Variants in PRKCI observed in about 807,000 individuals in gnomAD.
The protein encoded by PRKCI is protein kinase C iota, also known as protein kinase C iota type.
PRKCI carries 43 observed loss-of-function variants against 84.0 expected under a neutral mutation model. The ratio of observed to expected loss-of-function variants is 0.51; its 90% confidence interval spans 0.40 to 0.66. The LOEUF (loss-of-function observed/expected upper bound fraction) is 0.66, where lower values mean the gene tolerates loss of function less well. Ranked by LOEUF, PRKCI falls within the 30% of genes least tolerant of loss-of-function variation. PRKCI has a pLI of 0.00. For missense variants in PRKCI, 459 were observed against 745.6 expected (o/e 0.62, Z 4.48); for synonymous variants, 216 against 234.4 (o/e 0.92, Z 0.72).
Position 170,298,983 on chromosome 3 carries a change from A to G in PRKCI, c.1588-12A>G, listed in dbSNP as rs1734756337. The G allele has an allele frequency of 3.2e-6, 5 of 1,557,594 alleles. No individual in the cohort carries two copies. Among genetic ancestry groups the G allele is most frequent in the East Asian group, 4.5e-5 (2 of 44,594 alleles). On this transcript the variant is annotated splice_polypyrimidine_tract_variant and intron_variant, in intron 16 of 17. Transcript: ENST00000295797. ...ATACAGACTTGAGCTGTCATCCAGT[A>G]TGTCTTTTCAGATGGAGCAAAAACA...
intron 2 of PRKCI, among the ~76,000 whole-genome samples, chr3:170,241,528 T>G (rs1168742992): frequency 6.6e-6 from 1 of 152,230 alleles, no homozygotes; most frequent in Non-Finnish European, 1.5e-5. Flanking sequence ...CTGAGTAGTA[T>G]TCCATTGTGT....
At chr3:170,279,373 G>C (rs1734192135) in intron 8 of PRKCI, among the ~76,000 whole-genome samples, 1 of 152,130 alleles carries the variant, frequency 6.6e-6, no homozygotes, top group Non-Finnish European at 1.5e-5. Context: ...TTCTCACTCA[G>C]TTTTTCTAAT....
At chr3:170,276,482 G>A (rs1172773303) in intron 8 of PRKCI, among the ~76,000 whole-genome samples, 1 of 145,012 alleles carries the variant, frequency 6.9e-6, no homozygotes, top group Non-Finnish European at 1.5e-5. Flanking sequence ...TTTTTTTTGT[G>A]AGACAGGATT....
At chr3:170,271,774 T>C (rs1341669270) in intron 6 of PRKCI, among the ~76,000 whole-genome samples, 1 of 152,166 alleles carries the variant, frequency 6.6e-6, no homozygotes, top group Admixed American at 6.6e-5. Context: ...GTGGATTGTT[T>C]TTGAGTCGAC....
intron 4 of PRKCI, 23 bp from the exon 5 acceptor site, chr3:170,267,887 CTTTTT>C (rs758380685): frequency 6.7e-7 from 1 of 1,493,520 alleles, no homozygotes; most frequent in Admixed American, 2.1e-5. Context: ...GCTCTTTTTT[CTTTTT>C]TTAACTATTA....
chr3:170,233,824 G>A lies in PRKCI; in HGVS notation c.102-1406G>A, dbSNP rs916860851. On this transcript the variant is annotated intron_variant, in intron 1 of 17. Coordinates refer to ENST00000295797, the MANE Select transcript of PRKCI (RefSeq NM_002740.6). ...CAGCCTCCGCCTCCTGGGTTCAAGCGGTTATCCTGCCTCAGCCTCCCAGGT... is the reference window on the plus strand; with the variant it reads ...CAGCCTCCGCCTCCTGGGTTCAAGCAGTTATCCTGCCTCAGCCTCCCAGGT... Among the ~76,000 whole-genome samples, 8 of 151,868 alleles carry A rather than the reference G, an allele frequency of 5.3e-5. No homozygotes were observed. In the South Asian group the frequency reaches 6.2e-4, roughly 12 times the overall value.
chr3:170,267,018 G>T (rs1733875196), intron 4 of PRKCI, among the ~76,000 whole-genome samples: 1 of 152,102 alleles, frequency 6.6e-6, no homozygotes, highest in African/African-American at 2.4e-5. Context: ...TTTGAGACCA[G>T]TTAGGGAAGT....
intron 1 of PRKCI, 92 bp downstream of exon 1, chr3:170,222,862 TG>T (rs1732526772): frequency 1.3e-4 from 2 of 15,052 alleles, no homozygotes; most frequent in Non-Finnish European, 3.4e-4. Flanking sequence ...GGAGGTGTTG[TG>T]GGCGGATTGG....
At chr3:170,248,380 GA>G (rs34316499) in intron 2 of PRKCI, among the ~76,000 whole-genome samples, 3,331 of 139,850 alleles carry the variant, frequency 0.024, 47 homozygotes, top group Non-Finnish European at 0.035. Context: ...TTGGGGGGGG[GA>G]AAAAACCTGC....
intron 2 of PRKCI, among the ~76,000 whole-genome samples, chr3:170,250,029 A>C (rs1323901866): frequency 6.6e-6 from 1 of 152,136 alleles, no homozygotes; most frequent in Non-Finnish European, 1.5e-5. Context: ...TAATCCCAGC[A>C]CTTTGGGAGG....
At chr3:170,243,012 T>TA (rs1471202333) in intron 2 of PRKCI, among the ~76,000 whole-genome samples, 1 of 152,030 alleles carries the variant, frequency 6.6e-6, no homozygotes, top group South Asian at 2.1e-4. Flanking sequence ...GGTGAGAAAT[T>TA]ATTCATGTTT....
chr3:170,245,950 T>TTTTTTTTGTTTGTTTGTTTGTTTG (rs1553837897), intron 2 of PRKCI, among the ~76,000 whole-genome samples: 1 of 44,346 alleles, frequency 2.3e-5, no homozygotes. Flanking sequence ...TATGTCTTTG[T>TTTTTTTTGTTTGTTTGTTTGTTTG]TTTTTTTTTT....
intron 17 of PRKCI, among the ~76,000 whole-genome samples, chr3:170,301,637 G>C (rs1734822037): frequency 6.6e-6 from 1 of 151,942 alleles, no homozygotes; most frequent in Non-Finnish European, 1.5e-5. Flanking sequence ...CCAAGTCTTT[G>C]TCTGTGTTTT....
At chr3:170,230,968 T>G (rs1053675901) in intron 1 of PRKCI, among the ~76,000 whole-genome samples, 31 of 149,866 alleles carry the variant, frequency 2.1e-4, no homozygotes, top group Non-Finnish European at 3.3e-4. Flanking sequence ...TTTTTGTTTT[T>G]TTTTTTTTTG....
At position 170,282,781 on chromosome 3, in the gene PRKCI, T is replaced by C. The variant is rs970831739; in HGVS notation, c.1067+813T>C. Reference sequence around the variant, plus strand: ...GATTTATTGTTCTTTGGCTTTTTTTTCCTCTAATCCCATAATTATTGATGA... The same window carrying C: ...GATTTATTGTTCTTTGGCTTTTTTTCCCTCTAATCCCATAATTATTGATGA... On this transcript the variant is annotated intron_variant, in intron 11 of 17. Coordinates refer to ENST00000295797, the MANE Select transcript of PRKCI (RefSeq NM_002740.6). Among the ~76,000 whole-genome samples the C allele has an allele frequency of 5.9e-5, 9 of 151,788 alleles. No homozygotes were observed. The South Asian group carries it at 6.2e-4, about 11-fold the overall frequency.
intron 2 of PRKCI, among the ~76,000 whole-genome samples, chr3:170,245,950 T>TTTTTTTTTTTGTTTGTTTG: frequency 2.3e-5 from 1 of 44,358 alleles, no homozygotes; most frequent in Admixed American, 2.9e-4. Context: ...TATGTCTTTG[T>TTTTTTTTTTTGTTTGTTTG]TTTTTTTTTT....
chr3:170,235,183 T>C (rs1166595532), intron 1 of PRKCI, 47 bp from the exon 2 acceptor site: 2 of 1,576,010 alleles, frequency 1.3e-6, no homozygotes, highest in Non-Finnish European at 1.7e-6. Flanking sequence ...TATACAGCAT[T>C]ATTATTTTTA....
At position 170,305,702 on chromosome 3, in the gene PRKCI, C is replaced by T. The variant is rs1033208718; in HGVS notation, c.*2575C>T. 2.6e-5 allele frequency: 4 copies of T among 152,138 alleles called. No homozygotes were observed. Among genetic ancestry groups the T allele is most frequent in the African/African-American group, 9.7e-5 (4 of 41,416 alleles). 9.4% of individuals were successfully genotyped at this position (152,138 alleles called of 1,614,324 possible). A position where few individuals can be genotyped will look rare whatever the true frequency, so the allele number is the denominator to read the frequency against. On this transcript the variant is annotated 3_prime_UTR_variant, in exon 18 of 18. Transcript: ENST00000295797. ...TCTATAGAAGTTCGCTCAAAATACT[C>T]AACAGGGGAATAGGCAGCGGACAGT... is the stretch of plus-strand genomic sequence containing the variant.
At chr3:170,272,360 G>A (rs188268878) in intron 6 of PRKCI, among the ~76,000 whole-genome samples, 6 of 152,226 alleles carry the variant, frequency 3.9e-5, no homozygotes, top group Admixed American at 3.9e-4. Context: ...TTATTCATGG[G>A]ACTTGCTTTG....
Sources: allele counts gnomAD v4.1 joint callset (sites outside exome capture counted in the v4.1 genomes callset), GRCh38; gene constraint gnomAD v4.1.1; transcripts MANE v1.5; gene names NCBI Gene and HGNC (gene_info 2026-07-23, HGNC 2026-07-21).